The following MAN1A2 variants were observed in gnomAD, a reference collection of about 807,000 sequenced individuals.
The protein encoded by MAN1A2 is mannosidase alpha class 1A member 2.
MAN1A2 carries 26 observed loss-of-function variants against 75.7 expected under a neutral mutation model. The observed-to-expected ratio is 0.34, with a 90% CI of 0.25 to 0.48. MAN1A2 has a LOEUF of 0.48. Ranked by LOEUF, MAN1A2 falls within the 20% of genes least tolerant of loss-of-function variation. The pLI, the probability that MAN1A2 is intolerant of heterozygous loss-of-function variation, is 0.99. For missense variants in MAN1A2, 562 were observed against 775.5 expected (o/e 0.72, Z 3.27); for synonymous variants, 247 against 264.6 (o/e 0.93, Z 0.65).
At chr1:117,484,402 C>T (rs1042131911) in intron 8 of MAN1A2, among the ~76,000 whole-genome samples, 3 of 152,022 alleles carry the variant, frequency 2.0e-5, no homozygotes, top group East Asian at 3.9e-4. Context: ...CATGACTTTT[C>T]GCTGCTTCTT....
At chr1:117,435,758 A>C (rs1648826504) in intron 5 of MAN1A2, among the ~76,000 whole-genome samples, 1 of 152,210 alleles carries the variant, frequency 6.6e-6, no homozygotes, top group Non-Finnish European at 1.5e-5. Flanking sequence ...TGTAATAGAT[A>C]ATAAAATATG....
chr1:117,428,814 A>AT (rs1648475949), intron 5 of MAN1A2, among the ~76,000 whole-genome samples: 2 of 89,266 alleles, frequency 2.2e-5, no homozygotes, highest in African/African-American at 4.2e-5. Flanking sequence ...TTTTAAATTT[A>AT]TTTTTTTATT....
At chr1:117,520,668 T>C (rs758356914) in intron 12 of MAN1A2, among the ~76,000 whole-genome samples, 4 of 151,938 alleles carry the variant, frequency 2.6e-5, no homozygotes, top group South Asian at 4.1e-4. Context: ...AGAGAAGTCA[T>C]AGATGACACA....
intron 1 of MAN1A2, among the ~76,000 whole-genome samples, chr1:117,401,607 A>T (rs76209094): frequency 2.0e-5 from 3 of 152,272 alleles, no homozygotes; most frequent in Non-Finnish European, 4.4e-5. Flanking sequence ...GCTCTTCATG[A>T]TACAGATTCA....
intron 1 of MAN1A2, among the ~76,000 whole-genome samples, chr1:117,392,985 C>G (rs1056438302): frequency 6.6e-6 from 1 of 152,182 alleles, no homozygotes; most frequent in African/African-American, 2.4e-5. Flanking sequence ...AACAGTTGGG[C>G]TTCTTCATTA....
intron 5 of MAN1A2, 45 bp downstream of exon 5, chr1:117,420,694 T>G (rs1447656534): frequency 7.5e-7 from 1 of 1,334,442 alleles, no homozygotes; most frequent in Admixed American, 1.7e-5. Context: ...GAGGGGAGGG[T>G]TGGAATTTAA....
chr1:117,471,982 G>A (rs925544540), intron 8 of MAN1A2, among the ~76,000 whole-genome samples: 2 of 151,364 alleles, frequency 1.3e-5, no homozygotes, highest in Non-Finnish European at 1.5e-5. Context: ...AAAAGGAAAG[G>A]CTTACAGCAG....
At chr1:117,489,503 T>C (rs1650813823) in intron 8 of MAN1A2, among the ~76,000 whole-genome samples, 1 of 152,090 alleles carries the variant, frequency 6.6e-6, no homozygotes, top group Admixed American at 6.6e-5. Context: ...GTGTGTACCC[T>C]ATTTTAATTT....
rs12064832 is a variant in MAN1A2 at position 117,368,468 on chromosome 1, C to T, written c.285C>T (p.Pro95=). ...CCGGAGTCTTCCTGATCCATGGACC[C>T]GATGAACATAGACACAGGTTTGTTT... is the stretch of plus-strand genomic sequence containing the variant. ...KNPGVFLIHG[P]DEHRHREEEE... The change falls in exon 1 of 13, where the codon CCC becomes CCT. Residue 95 remains proline, a synonymous_variant. Coordinates refer to ENST00000356554, the MANE Select transcript of MAN1A2 (RefSeq NM_006699.5). 1.9e-6 allele frequency: 3 copies of T among 1,610,398 alleles called. No individual in the cohort carries two copies. Among genetic ancestry groups the T allele is most frequent in the East Asian group, 2.2e-5 (1 of 44,858 alleles).
intron 1 of MAN1A2, among the ~76,000 whole-genome samples, chr1:117,401,321 C>T (rs1647418907): frequency 1.3e-5 from 2 of 152,060 alleles, no homozygotes; most frequent in Admixed American, 1.3e-4. Context: ...GTTATAAGTT[C>T]AGCCATCTGC....
chr1:117,431,427 A>G (rs979178650), intron 5 of MAN1A2, among the ~76,000 whole-genome samples: 1 of 152,092 alleles, frequency 6.6e-6, no homozygotes, highest in Non-Finnish European at 1.5e-5. Context: ...GGATCCTTCA[A>G]CATTCTTCTC....
intron 6 of MAN1A2, among the ~76,000 whole-genome samples, chr1:117,454,202 G>GC (rs1277693883): frequency 6.6e-6 from 1 of 152,042 alleles, no homozygotes; most frequent in Non-Finnish European, 1.5e-5. Flanking sequence ...CTGTAACCAG[G>GC]CCCATAATAT....
intron 6 of MAN1A2, among the ~76,000 whole-genome samples, chr1:117,445,888 A>ATATATATATATATG (rs1553235503): frequency 2.8e-5 from 4 of 143,644 alleles, no homozygotes; most frequent in Non-Finnish European, 4.6e-5. Context: ...GTGTGTGTAT[A>ATATATATATATATG]TATATATATA....
chr1:117,474,827 C>A (rs112439146), intron 8 of MAN1A2, among the ~76,000 whole-genome samples: 2 of 151,978 alleles, frequency 1.3e-5, no homozygotes, highest in East Asian at 3.9e-4. Flanking sequence ...TTTCCTCATA[C>A]CCTTACATGT....
At position 117,437,967 on chromosome 1, in the gene MAN1A2, C is replaced by A. The variant is rs1648898552; in HGVS notation, c.856-4264C>A. Among the ~76,000 whole-genome samples the A allele has an allele frequency of 2.0e-5, 3 of 152,190 alleles. No homozygotes were observed. The East Asian group carries it at 5.8e-4, about 29-fold the overall frequency. ...GCTATATGCTAGGCACTCTTCTAAGCATTGAAAACAAATTTAAAACAAATT... is the reference window on the plus strand; with the variant it reads ...GCTATATGCTAGGCACTCTTCTAAGAATTGAAAACAAATTTAAAACAAATT... On this transcript the variant is annotated intron_variant, in intron 5 of 12. Transcript: ENST00000356554.
intron 6 of MAN1A2, 82 bp downstream of exon 6, chr1:117,442,407 C>CA (rs548574859): frequency 2.4e-6 from 2 of 849,292 alleles, no homozygotes; most frequent in Non-Finnish European, 3.9e-6. Context: ...GTCACCCCCA[C>CA]ATTTTTTTTA....
At chr1:117,431,375 T>G (rs1275080047) in intron 5 of MAN1A2, among the ~76,000 whole-genome samples, 1 of 152,182 alleles carries the variant, frequency 6.6e-6, no homozygotes, top group Non-Finnish European at 1.5e-5. Context: ...AGGAGATTCC[T>G]TTTTAATTTT....
At chr1:117,497,625 GATATAC>G (rs983452235) in intron 10 of MAN1A2, among the ~76,000 whole-genome samples, 8 of 151,858 alleles carry the variant, frequency 5.3e-5, no homozygotes, top group Non-Finnish European at 1.0e-4. Context: ...ATAAAGCACA[GATATAC>G]ATATAGTCAT....
intron 8 of MAN1A2, among the ~76,000 whole-genome samples, chr1:117,487,391 G>A (rs1650745791): frequency 1.3e-5 from 2 of 152,132 alleles, no homozygotes; most frequent in African/African-American, 4.8e-5. Context: ...CTCAGTATAA[G>A]TAACATGGTT....
Sources: allele counts gnomAD v4.1 joint callset (sites outside exome capture counted in the v4.1 genomes callset), GRCh38; gene constraint gnomAD v4.1.1; transcripts MANE v1.5; gene names NCBI Gene and HGNC (gene_info 2026-07-23, HGNC 2026-07-21).